Variants in CAMTA1 observed in about 807,000 individuals in gnomAD.
CAMTA1 encodes calmodulin-binding transcription activator 1.
A neutral mutation model predicts 170.9 loss-of-function variants in CAMTA1; 27 were observed. The ratio of observed to expected loss-of-function variants is 0.16; its 90% confidence interval spans 0.12 to 0.22. The LOEUF (loss-of-function observed/expected upper bound fraction) is 0.22, where lower values mean the gene tolerates loss of function less well. CAMTA1 is among the 10% of genes least tolerant of loss of function. The pLI, the probability that CAMTA1 is intolerant of heterozygous loss-of-function variation, is 1.00. For synonymous variants in CAMTA1, 833 were observed against 891.5 expected (o/e 0.93, Z 1.17); for missense variants, 1,619 against 2,217.2 (o/e 0.73, Z 5.42).
intron 3 of CAMTA1, among the ~76,000 whole-genome samples, chr1:6,834,154 A>ATT (rs60264977): frequency 7.3e-6 from 1 of 136,614 alleles, no homozygotes; most frequent in Non-Finnish European, 1.6e-5. Flanking sequence ...TATTTGATTA[A>ATT]TTTTTTTTTT....
chr1:7,145,621 A>C (rs1646137880), intron 4 of CAMTA1, among the ~76,000 whole-genome samples: 1 of 152,108 alleles, frequency 6.6e-6, no homozygotes, highest in African/African-American at 2.4e-5. Flanking sequence ...GCAAAGACAC[A>C]GGAAAATGAC....
At chr1:7,011,172 T>C (rs1409757189) in intron 3 of CAMTA1, among the ~76,000 whole-genome samples, 1 of 152,210 alleles carries the variant, frequency 6.6e-6, no homozygotes, top group Non-Finnish European at 1.5e-5. Context: ...GAAGGGTGAT[T>C]CAGTGTTCCA....
chr1:7,033,083 T>C (rs1703027746), intron 3 of CAMTA1, among the ~76,000 whole-genome samples: 1 of 152,202 alleles, frequency 6.6e-6, no homozygotes, highest in Admixed American at 6.5e-5. Context: ...TACTTGGATA[T>C]GTGGATTTAT....
At chr1:7,263,742 T>C (rs957946236) in intron 5 of CAMTA1, among the ~76,000 whole-genome samples, 3 of 152,214 alleles carry the variant, frequency 2.0e-5, no homozygotes, top group Non-Finnish European at 4.4e-5. Flanking sequence ...GAATCAGAGC[T>C]ATTTACATCT....
At chr1:7,489,127 A>G (rs1003955861) in intron 6 of CAMTA1, among the ~76,000 whole-genome samples, 11 of 152,256 alleles carry the variant, frequency 7.2e-5, no homozygotes, top group Non-Finnish European at 1.6e-4. Context: ...CAAGAAAACC[A>G]GGATGGCTAT....
intron 3 of CAMTA1, among the ~76,000 whole-genome samples, chr1:6,998,881 T>C (rs754924262): frequency 6.6e-6 from 1 of 152,244 alleles, no homozygotes; most frequent in Non-Finnish European, 1.5e-5. Flanking sequence ...TATTTAAATA[T>C]TCATTTATTC....
rs1685548642 is a variant in CAMTA1, at chr1:6,937,402, A to G, written c.234+112192A>G. 3.3e-5 allele frequency among the ~76,000 whole-genome samples: 5 copies of G among 151,910 alleles called. No homozygotes were observed. The South Asian group carries it at 8.3e-4, about 25-fold the overall frequency. ...ACCACTTACCACCACTATCATCACC[A>G]TCACCATCATCATCACCACTACCAT... On this transcript the variant is annotated intron_variant, in intron 3 of 22. Transcript: ENST00000303635.
chr1:7,301,520 AGTGCTG>A (rs1557472278), intron 5 of CAMTA1, among the ~76,000 whole-genome samples: 1 of 152,068 alleles, frequency 6.6e-6, no homozygotes, highest in African/African-American at 2.4e-5. Context: ...GTGAGCCTGT[AGTGCTG>A]GTGCCTTGGG....
chr1:7,582,869 A>G (rs79031145), intron 6 of CAMTA1, among the ~76,000 whole-genome samples: 5,458 of 151,366 alleles, frequency 0.036, 427 homozygotes, highest in Admixed American at 0.18. Context: ...GGCCCTGGGC[A>G]CAATAGCAGC....
intron 11 of CAMTA1, among the ~76,000 whole-genome samples, chr1:7,710,157 C>T (rs2096558451): frequency 6.6e-6 from 1 of 152,194 alleles, no homozygotes; most frequent in Non-Finnish European, 1.5e-5. Flanking sequence ...TATACCTTTC[C>T]TTGTCTTACT....
chr1:7,297,568 T>G (rs972978090), intron 5 of CAMTA1, among the ~76,000 whole-genome samples: 19 of 152,242 alleles, frequency 1.2e-4, no homozygotes, highest in African/African-American at 3.4e-4. Flanking sequence ...TGTGGGCAGT[T>G]CTGCCCTCAA....
At chr1:6,874,143 T>A (rs1161500011) in intron 3 of CAMTA1, 1 of 152,268 alleles carries the variant, frequency 6.6e-6, no homozygotes, top group Non-Finnish European at 1.5e-5. Context: ...TGAAACTGTA[T>A]GACAGACACA....
At chr1:7,284,351 G>C (rs1486498087) in intron 5 of CAMTA1, among the ~76,000 whole-genome samples, 1 of 151,676 alleles carries the variant, frequency 6.6e-6, no homozygotes, top group Non-Finnish European at 1.5e-5. Flanking sequence ...CTACAGGCCC[G>C]TGCCACCAGG....
At chr1:7,320,429 T>C (rs1186003429) in intron 5 of CAMTA1, among the ~76,000 whole-genome samples, 1 of 152,212 alleles carries the variant, frequency 6.6e-6, no homozygotes, top group Non-Finnish European at 1.5e-5. Context: ...GAGGCTGTAA[T>C]AATCCACTCT....
At chr1:7,711,368 T>C (rs1470220934) in intron 11 of CAMTA1, among the ~76,000 whole-genome samples, 6 of 152,076 alleles carry the variant, frequency 3.9e-5, no homozygotes, top group Admixed American at 3.3e-4. Context: ...ATTCAGTCCA[T>C]TGCACTCCCC....
intron 3 of CAMTA1, among the ~76,000 whole-genome samples, chr1:7,034,560 A>C (rs1436529739): frequency 6.6e-6 from 1 of 152,214 alleles, no homozygotes; most frequent in African/African-American, 2.4e-5. Context: ...GCCTCTGCAC[A>C]GCTCTGGAGT....
At chr1:6,787,420 C>T (rs1372556225) in intron 1 of CAMTA1, among the ~76,000 whole-genome samples, 1 of 152,120 alleles carries the variant, frequency 6.6e-6, no homozygotes, top group Non-Finnish European at 1.5e-5. Context: ...TTTTGCTGTT[C>T]CGGTTCTGCT....
intron 6 of CAMTA1, among the ~76,000 whole-genome samples, chr1:7,624,733 C>T (rs1018826038): frequency 4.6e-5 from 7 of 152,214 alleles, no homozygotes; most frequent in African/African-American, 7.2e-5. Context: ...CCTTCTGATG[C>T]ACACTCTGCT....
chr1:7,603,520 T>G (rs1345216530), intron 6 of CAMTA1, among the ~76,000 whole-genome samples: 3 of 152,200 alleles, frequency 2.0e-5, no homozygotes, highest in African/African-American at 7.2e-5. Flanking sequence ...CCTTTTTTTG[T>G]TTTCCATTTG....
Sources: gnomAD v4.1 joint callset for allele counts (sites outside exome capture counted in the v4.1 genomes callset) on GRCh38, gnomAD v4.1.1 for gene constraint, MANE v1.5 for transcripts, NCBI Gene and HGNC (gene_info 2026-07-23, HGNC 2026-07-21) for gene names.